The following LUZP2 variants were observed in gnomAD, a reference collection of about 807,000 sequenced individuals.
LUZP2 encodes the protein leucine zipper protein 2.
A neutral mutation model predicts 51.6 loss-of-function variants in LUZP2; 52 were observed. The observed-to-expected ratio is 1.01, with a 90% CI of 0.81 to 1.27. The LOEUF is 1.27. Among genes scored for constraint, LUZP2 ranks in the 50% most tolerant of loss-of-function variants. The pLI is 0.00. For synonymous variants in LUZP2, 154 were observed against 137.3 expected, an observed-to-expected ratio of 1.12 and a Z score of -0.85; for missense variants, 436 against 395.4, an observed-to-expected ratio of 1.10 and a Z score of -0.87.
At chr11:24,655,700 T>G (rs1017483264) in intron 1 of LUZP2, among the ~76,000 whole-genome samples, 4 of 152,158 alleles carry the variant, frequency 2.6e-5, no homozygotes, top group Non-Finnish European at 5.9e-5. Flanking sequence ...GGGAGGAAAT[T>G]GTCAGTGTTT....
chr11:24,659,254 A>T (rs1440040230), intron 1 of LUZP2, among the ~76,000 whole-genome samples: 5 of 152,236 alleles, frequency 3.3e-5, no homozygotes, highest in Admixed American at 1.3e-4. Context: ...AAAAATGATG[A>T]GTTCATGTCC....
intron 5 of LUZP2, among the ~76,000 whole-genome samples, chr11:24,864,074 CTTTAA>C (rs1851817023): frequency 6.6e-6 from 1 of 152,106 alleles, no homozygotes; most frequent in Non-Finnish European, 1.5e-5. Context: ...AATGATTTCA[CTTTAA>C]TTTCTCTATA....
At chr11:24,850,626 A>G (rs1851363127) in intron 5 of LUZP2, among the ~76,000 whole-genome samples, 1 of 151,972 alleles carries the variant, frequency 6.6e-6, no homozygotes, top group South Asian at 2.1e-4. Context: ...TCCATATGAA[A>G]TTTAAAGTAG....
chr11:24,874,400 G>T (rs10834520), intron 5 of LUZP2, among the ~76,000 whole-genome samples: 72,138 of 151,908 alleles, frequency 0.47, 17,693 homozygotes, highest in East Asian at 0.75. Flanking sequence ...GTGTCGGTGA[G>T]GCATTTATGG....
At chr11:25,014,082 TC>T (rs1857065847) in intron 9 of LUZP2, among the ~76,000 whole-genome samples, 1 of 152,164 alleles carries the variant, frequency 6.6e-6, no homozygotes, top group South Asian at 2.1e-4. Context: ...CATGAACTCA[TC>T]CTTTTTTATG....
At chr11:24,717,005 AAAT>A (rs1858072818) in intron 1 of LUZP2, among the ~76,000 whole-genome samples, 1 of 152,196 alleles carries the variant, frequency 6.6e-6, no homozygotes, top group Non-Finnish European at 1.5e-5. Flanking sequence ...CATTTTTAAA[AAAT>A]AAAACTAATG....
chr11:24,871,037 AG>A (rs1351272638), intron 5 of LUZP2, among the ~76,000 whole-genome samples: 2 of 152,164 alleles, frequency 1.3e-5, no homozygotes, highest in Non-Finnish European at 2.9e-5. Flanking sequence ...CATTATATTT[AG>A]GTCCATTCTT....
intron 5 of LUZP2, among the ~76,000 whole-genome samples, chr11:24,835,698 TTCACA>T (rs1351985962): frequency 6.6e-6 from 1 of 152,096 alleles, no homozygotes; most frequent in Non-Finnish European, 1.5e-5. Context: ...CCTATTTCAT[TTCACA>T]TTGTATTCTT....
intron 5 of LUZP2, among the ~76,000 whole-genome samples, chr11:24,879,521 T>C (rs979116153): frequency 6.6e-6 from 1 of 152,162 alleles, no homozygotes; most frequent in African/African-American, 2.4e-5. Flanking sequence ...TTGAACTAAT[T>C]TACATTCCCA....
At chr11:24,590,228 A>G (rs182639851) in intron 1 of LUZP2, among the ~76,000 whole-genome samples, 152 of 152,268 alleles carry the variant, frequency 1.0e-3, no homozygotes, top group Non-Finnish European at 1.5e-3. Flanking sequence ...GTCATTCTTA[A>G]TATGAAAATA....
chr11:25,016,307 A>C (rs975632959), intron 9 of LUZP2, among the ~76,000 whole-genome samples: 1 of 151,594 alleles, frequency 6.6e-6, no homozygotes, highest in African/African-American at 2.4e-5. Flanking sequence ...CCTTCTTCCA[A>C]CCTTCCCCCT....
rs1332892996 is a variant in LUZP2 at position 24,602,383 on chromosome 11, T to C, written c.62+105078T>C. ...TTTAAAGTGTGTGTGTGTATATATATATATACACACACACACACACACACA... is the reference window on the plus strand; with the variant it reads ...TTTAAAGTGTGTGTGTGTATATATACATATACACACACACACACACACACA... On this transcript the variant is annotated intron_variant, in intron 1 of 11. Coordinates refer to ENST00000336930, the MANE Select transcript of LUZP2 (RefSeq NM_001009909.4). Among the ~76,000 whole-genome samples, 127 of 43,192 alleles carry C rather than the reference T, an allele frequency of 2.9e-3. 1 individual carries two copies. The highest frequency in any genetic ancestry group is 0.014 in the East Asian group (30 of 2,110). 28.3% of individuals were successfully genotyped at this position (43,192 alleles called of 152,430 possible).
intron 11 of LUZP2, among the ~76,000 whole-genome samples, 154 bp downstream of exon 11, chr11:25,077,560 C>T (rs1278992937): frequency 1.3e-5 from 2 of 151,270 alleles, no homozygotes; most frequent in South Asian, 2.1e-4. Flanking sequence ...AGTGCAGTGG[C>T]GCAATCTCGG....
At chr11:24,999,430 G>GAGGAAGAAGGAGGAGGAAA (rs1856610443) in intron 9 of LUZP2, among the ~76,000 whole-genome samples, 1 of 151,238 alleles carries the variant, frequency 6.6e-6, no homozygotes, top group African/African-American at 2.4e-5. Context: ...GGAGGAGGAG[G>GAGGAAGAAGGAGGAGGAAA]AGGAAGAAGG....
chr11:24,704,352 T>G (rs1857506626), intron 1 of LUZP2, among the ~76,000 whole-genome samples: 1 of 152,120 alleles, frequency 6.6e-6, no homozygotes, highest in Non-Finnish European at 1.5e-5. Context: ...AATATTTCTT[T>G]CCTTAGCTAC....
chr11:24,975,897 G>A (rs547721376), intron 7 of LUZP2, among the ~76,000 whole-genome samples: 1 of 151,996 alleles, frequency 6.6e-6, no homozygotes, highest in South Asian at 2.1e-4. Context: ...TTGTCTGCTT[G>A]GGCTGTCATA....
At chr11:24,566,778 TAC>T (rs1852241704) in intron 1 of LUZP2, among the ~76,000 whole-genome samples, 1 of 146,310 alleles carries the variant, frequency 6.8e-6, no homozygotes, top group African/African-American at 2.5e-5. Flanking sequence ...AAGGTATATA[TAC>T]ATATATATAA....
chr11:24,654,583 A>T (rs960758827), intron 1 of LUZP2, among the ~76,000 whole-genome samples: 4 of 151,518 alleles, frequency 2.6e-5, no homozygotes, highest in Non-Finnish European at 5.9e-5. Context: ...GCTCACTGCA[A>T]CCTCCGCCTC....
chr11:24,668,200 G>A (rs1856280526), intron 1 of LUZP2, among the ~76,000 whole-genome samples: 1 of 152,070 alleles, frequency 6.6e-6, no homozygotes, highest in African/African-American at 2.4e-5. Context: ...TCTTTAATCT[G>A]GTTTCACATG....
Sources: allele counts gnomAD v4.1 joint callset (sites outside exome capture counted in the v4.1 genomes callset), GRCh38; gene constraint gnomAD v4.1.1; transcripts MANE v1.5; gene names NCBI Gene and HGNC (gene_info 2026-07-23, HGNC 2026-07-21).